Variants in L3MBTL4 observed in about 807,000 individuals in gnomAD.
The protein encoded by L3MBTL4 is L3MBTL histone methyl-lysine binding protein 4.
Under a neutral mutation model 84.5 loss-of-function variants are expected in L3MBTL4, and 70 were observed. The ratio of observed to expected loss-of-function variants is 0.83; its 90% CI spans 0.68 to 1.01. The LOEUF (loss-of-function observed/expected upper bound fraction) is 1.01. Ranked by LOEUF, L3MBTL4 falls within the 50% of genes least tolerant of loss-of-function variation. L3MBTL4 has a pLI of 0.00. For missense variants in L3MBTL4, 715 were observed against 754.8 expected, an observed-to-expected ratio of 0.95 and a Z score of 0.62; for synonymous variants, 274 against 259.8, an observed-to-expected ratio of 1.05 and a Z score of -0.52.
chr18:6,301,973 T>TGGTG lies in L3MBTL4; in HGVS notation c.73-20_73-17dup. 2 of 1,604,262 alleles carry TGGTG rather than the reference T, an allele frequency of 1.2e-6. No individual in the cohort carries two copies. The highest frequency in any genetic ancestry group is 2.2e-5 in the South Asian group (2 of 90,890). On this transcript the variant is annotated splice_polypyrimidine_tract_variant and intron_variant, in intron 3 of 18. Coordinates refer to ENST00000317931, the MANE Select transcript of L3MBTL4 (RefSeq NM_001330559.2). The stretch of plus-strand genomic sequence containing the variant: ...CAGCTTGCTCCTAGAATACAGAAAA[T>TGGTG]GGTGTTTAGATGGTATTGCTGGATA...
Position 5,960,128 on chromosome 18 carries a change from C to T in L3MBTL4, c.1643G>A (p.Gly548Asp). ...EVAEFVQSLL[G>D]CEEHAKCFKK... is the part of the protein sequence containing the mutation. ...AAAGCACTTGGCATGCTCTTCACAG[C>T]CCAGAAGAGACTGTACAAACTCAGC... The change falls in exon 18 of 19, where the codon GGC (glycine) becomes GAC (aspartate). Residue 548 changes from glycine to aspartate, a missense_variant. Physicochemically the swap from Gly to Asp is moderately conservative, Grantham distance 94. Coordinates refer to ENST00000317931, the MANE Select transcript of L3MBTL4 (RefSeq NM_001330559.2). The T allele has an allele frequency of 6.3e-7, 1 of 1,593,316 alleles. No individual in the cohort carries two copies. The highest frequency in any genetic ancestry group is 2.2e-5 in the East Asian group (1 of 44,518).
intron 1 of L3MBTL4, among the ~76,000 whole-genome samples, chr18:6,346,312 C>T (rs537727342): frequency 6.6e-6 from 1 of 151,718 alleles, no homozygotes; most frequent in South Asian, 2.1e-4. Flanking sequence ...ACTGAAAGCA[C>T]AGGCAATGAA....
intron 14 of L3MBTL4, among the ~76,000 whole-genome samples, chr18:6,095,181 T>C (rs886847536): frequency 6.6e-5 from 10 of 152,158 alleles, no homozygotes; most frequent in African/African-American, 2.4e-4. Flanking sequence ...TGAATATATA[T>C]TTTTGACTGA....
At chr18:6,280,811 G>A (rs936186570) in intron 4 of L3MBTL4, among the ~76,000 whole-genome samples, 8 of 152,068 alleles carry the variant, frequency 5.3e-5, no homozygotes, top group Non-Finnish European at 1.0e-4. Flanking sequence ...AGAGAGATCC[G>A]ACCTTGCTAG....
intron 10 of L3MBTL4, among the ~76,000 whole-genome samples, chr18:6,231,315 C>A (rs1323206040): frequency 1.3e-5 from 2 of 152,172 alleles, no homozygotes; most frequent in Non-Finnish European, 1.5e-5. Flanking sequence ...TCTATCACTG[C>A]ACCTTTTATT....
intron 17 of L3MBTL4, among the ~76,000 whole-genome samples, chr18:5,968,898 C>T (rs1396715090): frequency 6.6e-6 from 1 of 152,212 alleles, no homozygotes; most frequent in South Asian, 2.1e-4. Flanking sequence ...GATGAGCAAA[C>T]CTGCAGCAGG....
chr18:6,095,358 T>TTTTTTA (rs2058601329), intron 14 of L3MBTL4, among the ~76,000 whole-genome samples: 1 of 148,166 alleles, frequency 6.7e-6, no homozygotes, highest in African/African-American at 2.6e-5. Context: ...TTTTTTTTTT[T>TTTTTTA]TTTTTTTGAG....
intron 4 of L3MBTL4, among the ~76,000 whole-genome samples, chr18:6,272,182 G>T (rs1273187682): frequency 1.3e-5 from 2 of 152,240 alleles, no homozygotes; most frequent in African/African-American, 4.8e-5. Context: ...ACGGGAGAGA[G>T]AAGCAGAACA....
chr18:6,130,848 G>A (rs2059855172), intron 14 of L3MBTL4, among the ~76,000 whole-genome samples: 1 of 152,028 alleles, frequency 6.6e-6, no homozygotes. Flanking sequence ...TAAATTGTGT[G>A]CCAAAAGTCC....
chr18:6,272,636 G>T (rs1173796748), intron 4 of L3MBTL4, among the ~76,000 whole-genome samples: 1 of 92,976 alleles, frequency 1.1e-5, no homozygotes, highest in Non-Finnish European at 2.2e-5. Context: ...GGGAAAGGGG[G>T]AGTTGTGCAA....
chr18:6,238,566 C>G (rs939533709), intron 9 of L3MBTL4, among the ~76,000 whole-genome samples: 5 of 151,940 alleles, frequency 3.3e-5, no homozygotes, highest in African/African-American at 1.2e-4. Flanking sequence ...CAGAGGATTG[C>G]CAAGGGCCTG....
At chr18:6,351,406 G>A (rs1436031433) in intron 1 of L3MBTL4, among the ~76,000 whole-genome samples, 1 of 152,174 alleles carries the variant, frequency 6.6e-6, no homozygotes, top group African/African-American at 2.4e-5. Flanking sequence ...CAGAATTGCA[G>A]TTTGGGATGA....
chr18:6,400,748 G>A (rs942941854), intron 1 of L3MBTL4, among the ~76,000 whole-genome samples: 1 of 152,132 alleles, frequency 6.6e-6, no homozygotes, highest in Non-Finnish European at 1.5e-5. Context: ...CATCCCAAAA[G>A]CTCTGCTCAT....
chr18:6,325,776 C>T (rs1473629907), intron 1 of L3MBTL4, among the ~76,000 whole-genome samples: 4 of 152,012 alleles, frequency 2.6e-5, no homozygotes, highest in African/African-American at 7.2e-5. Flanking sequence ...TGTATAAATA[C>T]AATATTATAA....
chr18:6,068,893 G>A (rs555187177), intron 16 of L3MBTL4, among the ~76,000 whole-genome samples: 1 of 152,260 alleles, frequency 6.6e-6, no homozygotes, highest in African/African-American at 2.4e-5. Flanking sequence ...TTTTCCCATG[G>A]GATGTTCCCT....
intron 16 of L3MBTL4, among the ~76,000 whole-genome samples, chr18:5,979,399 T>A (rs1367440929): frequency 2.0e-5 from 3 of 152,260 alleles, no homozygotes; most frequent in African/African-American, 7.2e-5. Context: ...GAATGACAAG[T>A]CTGGGATCAA....
chr18:6,395,286 AAC>A (rs1248924449), intron 1 of L3MBTL4: 2 of 152,152 alleles, frequency 1.3e-5, no homozygotes, highest in Non-Finnish European at 2.9e-5. Flanking sequence ...ATTATCCATG[AAC>A]TCACAGCCTC....
intron 12 of L3MBTL4, among the ~76,000 whole-genome samples, chr18:6,205,792 T>G (rs1286304987): frequency 1.3e-5 from 2 of 152,178 alleles, no homozygotes; most frequent in Non-Finnish European, 2.9e-5. Flanking sequence ...AAAAATAGAG[T>G]GCCTACAAAG....
chr18:6,222,281 T>C (rs1229051159), intron 10 of L3MBTL4, among the ~76,000 whole-genome samples: 1 of 152,228 alleles, frequency 6.6e-6, no homozygotes, highest in African/African-American at 2.4e-5. Context: ...GGAGAATTCT[T>C]TGATCTACAG....
Sources: gnomAD v4.1 joint callset for allele counts (sites outside exome capture counted in the v4.1 genomes callset) on GRCh38, gnomAD v4.1.1 for gene constraint, MANE v1.5 for transcripts, NCBI Gene and HGNC (gene_info 2026-07-23, HGNC 2026-07-21) for gene names.